Variants in MPC1 observed in about 807,000 individuals in gnomAD.
MPC1 encodes the protein mitochondrial pyruvate carrier 1.
A neutral mutation model predicts 13.9 loss-of-function variants in MPC1; 6 were observed. The ratio of observed to expected loss-of-function variants is 0.43; its 90% CI spans 0.24 to 0.85. The LOEUF (loss-of-function observed/expected upper bound fraction) is 0.85, where lower values mean the gene tolerates loss of function less well. Among genes scored for constraint, MPC1 ranks in the 40% least tolerant of loss-of-function variants. MPC1 has a pLI of 0.24. For missense variants in MPC1, 115 were observed against 143.3 expected, an observed-to-expected ratio of 0.80 and a Z score of 1.01; for synonymous variants, 47 against 50.5, an observed-to-expected ratio of 0.93 and a Z score of 0.29.
chr6:166,366,236 A>G, intron 3 of MPC1, 130 bp from the exon 4 acceptor site: 2 of 1,056,204 alleles, frequency 1.9e-6, no homozygotes, highest in Non-Finnish European at 2.5e-6. Flanking sequence ...TTTGACAGAT[A>G]AAAGTTGTTA....
chr6:166,370,727 T>C (rs904341494), intron 1 of MPC1, among the ~76,000 whole-genome samples: 2 of 151,878 alleles, frequency 1.3e-5, no homozygotes, highest in Admixed American at 1.3e-4. Context: ...GCATGGGTGG[T>C]TTGTGCCTCC....
intron 1 of MPC1, among the ~76,000 whole-genome samples, chr6:166,373,837 C>T (rs181475307): frequency 1.3e-5 from 2 of 151,496 alleles, no homozygotes; most frequent in Admixed American, 6.6e-5. Context: ...TGATGACATA[C>T]GATGTAGAAC....
At chr6:166,374,080 G>C (rs540349502) in intron 1 of MPC1, among the ~76,000 whole-genome samples, 114 of 151,970 alleles carry the variant, frequency 7.5e-4, no homozygotes, top group Middle Eastern at 6.8e-3. Flanking sequence ...TCTGCCTCCC[G>C]GGTTCAAGTG....
At chr6:166,379,067 G>A (rs915978302) in intron 1 of MPC1, among the ~76,000 whole-genome samples, 1 of 152,136 alleles carries the variant, frequency 6.6e-6, no homozygotes, top group Non-Finnish European at 1.5e-5. Context: ...CGTTATCCCA[G>A]TAATGCCTTT....
chr6:166,366,499 C>T (rs540116478), intron 3 of MPC1, among the ~76,000 whole-genome samples: 2 of 152,164 alleles, frequency 1.3e-5, no homozygotes, highest in African/African-American at 4.8e-5. Context: ...CAGTTTCCCC[C>T]AAAAAAGTTC....
chr6:166,372,501 C>T (rs1779419293), intron 1 of MPC1, among the ~76,000 whole-genome samples: 1 of 152,118 alleles, frequency 6.6e-6, no homozygotes, highest in African/African-American at 2.4e-5. Context: ...CCTTCATACC[C>T]TGCTCAGTTC....
chr6:166,380,081 C>T (rs898747060), intron 1 of MPC1, among the ~76,000 whole-genome samples: 4 of 152,190 alleles, frequency 2.6e-5, no homozygotes, highest in Non-Finnish European at 5.9e-5. Context: ...CACGTGTTCA[C>T]CTTTCAAAAA....
intron 1 of MPC1, among the ~76,000 whole-genome samples, chr6:166,382,423 T>A (rs753164477): frequency 1.3e-5 from 2 of 148,166 alleles, no homozygotes; most frequent in African/African-American, 2.5e-5. Context: ...GGACTCAATG[T>A]CACCCCTGCC....
chr6:166,379,720 AC>A (rs961916207), intron 1 of MPC1, among the ~76,000 whole-genome samples: 1 of 152,232 alleles, frequency 6.6e-6, no homozygotes, highest in African/African-American at 2.4e-5. Flanking sequence ...CAAAGTGTGT[AC>A]AACAGGCAAC....
chr6:166,379,290 T>G (rs998767839), intron 1 of MPC1, among the ~76,000 whole-genome samples: 1 of 152,108 alleles, frequency 6.6e-6, no homozygotes, highest in Admixed American at 6.5e-5. Flanking sequence ...CACTGGGAGT[T>G]CAAGGACAGC....
intron 1 of MPC1, 30 bp from the exon 2 acceptor site, chr6:166,370,251 A>G (rs760350230): frequency 5.4e-6 from 4 of 740,888 alleles, no homozygotes; most frequent in Non-Finnish European, 1.0e-5. Context: ...CGAAGTTCAG[A>G]CAGGACAGAC....
intron 1 of MPC1, among the ~76,000 whole-genome samples, chr6:166,382,398 C>G (rs912024304): frequency 2.0e-5 from 3 of 150,848 alleles, no homozygotes; most frequent in Non-Finnish European, 2.9e-5. Flanking sequence ...CCCACCGTCA[C>G]CCACTCCCTG....
At chr6:166,381,872 T>A in intron 1 of MPC1, 1 of 959,692 alleles carries the variant, frequency 1.0e-6, no homozygotes, top group Non-Finnish European at 1.2e-6. Flanking sequence ...GTCCTTAGAA[T>A]GAGAAAACCG....
At chr6:166,380,566 T>G (rs1053074947) in intron 1 of MPC1, among the ~76,000 whole-genome samples, 16 of 152,184 alleles carry the variant, frequency 1.1e-4, no homozygotes, top group Admixed American at 3.3e-4. Context: ...GGAAACCCAT[T>G]TAGTAGAAGA....
chr6:166,368,971 G>T, intron 2 of MPC1: 4 of 981,852 alleles, frequency 4.1e-6, no homozygotes, highest in Non-Finnish European at 4.8e-6. Flanking sequence ...TCTAAGAGGG[G>T]CATATAAACC....
At position 166,366,792 on chromosome 6, in the gene MPC1, T is replaced by C; in HGVS notation, c.172+3A>G. On this transcript the variant is annotated splice_donor_region_variant and intron_variant, in intron 3 of 4. Coordinates refer to ENST00000360961, the MANE Select transcript of MPC1 (RefSeq NM_016098.4). ...TCCCAATTATCCAAATCTGCATTCTTACCAAATGTCATCCGCCCACTGATA... is the reference window on the plus strand; with the variant it reads ...TCCCAATTATCCAAATCTGCATTCTCACCAAATGTCATCCGCCCACTGATA... The C allele has an allele frequency of 1.2e-6, 2 of 1,613,674 alleles. No homozygotes were observed. The highest frequency in any genetic ancestry group is 2.2e-5 in the South Asian group (2 of 91,076).
chr6:166,382,431 G>A (rs1262289285), intron 1 of MPC1, among the ~76,000 whole-genome samples: 1 of 150,098 alleles, frequency 6.7e-6, no homozygotes, highest in Non-Finnish European at 1.5e-5. Context: ...TGTCACCCCT[G>A]CCTTGAGGGG....
rs375956827 is a variant in MPC1, at chr6:166,382,801, G to C, written c.71+5C>G. ...TTGCGGGGTTCGGCCTGCGGCGCTC[G>C]TCACCTCATGAGGTAGTCCCGGAAA... On this transcript the variant is annotated splice_donor_5th_base_variant and intron_variant, in intron 1 of 4. Transcript: ENST00000360961. 1 of 1,586,436 alleles carries C rather than the reference G, an allele frequency of 6.3e-7. No homozygotes were observed. The highest frequency in any genetic ancestry group is 8.6e-7 in the Non-Finnish European group (1 of 1,168,756).
chr6:166,366,659 A>C (rs1159218815), intron 3 of MPC1, 136 bp downstream of exon 3: 16 of 780,094 alleles, frequency 2.1e-5, no homozygotes, highest in Non-Finnish European at 3.0e-5. Context: ...TAGAGAAGTA[A>C]CACTCTTCCA....
Sources: allele counts gnomAD v4.1 joint callset (sites outside exome capture counted in the v4.1 genomes callset), GRCh38; gene constraint gnomAD v4.1.1; transcripts MANE v1.5; gene names NCBI Gene and HGNC (gene_info 2026-07-23, HGNC 2026-07-21).